ADGRL3: variants seen among roughly 807,000 people sequenced by gnomAD.
The protein encoded by ADGRL3 is calcium-independent alpha-latrotoxin receptor 3.
A neutral mutation model predicts 153.5 loss-of-function variants in ADGRL3; 62 were observed. The observed-to-expected ratio is 0.40, with a 90% CI of 0.33 to 0.50. The LOEUF is 0.50. Among genes scored for constraint, ADGRL3 ranks in the 20% least tolerant of loss-of-function variants. ADGRL3 has a pLI of 0.47. For missense variants in ADGRL3, 1,641 were observed against 1,859.4 expected (o/e 0.88, Z 2.16); for synonymous variants, 710 against 672.5 (o/e 1.06, Z -0.86).
intron 3 of ADGRL3, among the ~76,000 whole-genome samples, chr4:61,499,673 G>A (rs966280818): frequency 6.6e-6 from 1 of 151,650 alleles, no homozygotes; most frequent in Admixed American, 6.6e-5. Flanking sequence ...TAACAACCAG[G>A]AATTAGCTAG....
intron 23 of ADGRL3, among the ~76,000 whole-genome samples, chr4:62,033,260 G>GT (rs142071329): frequency 0.027 from 4,034 of 150,602 alleles, 178 homozygotes; most frequent in African/African-American, 0.093. Flanking sequence ...TACTCATTTT[G>GT]TTTTTTTTTA....
chr4:61,317,591 G>A (rs1369768870), intron 1 of ADGRL3, among the ~76,000 whole-genome samples: 1 of 152,078 alleles, frequency 6.6e-6, no homozygotes, highest in Non-Finnish European at 1.5e-5. Context: ...TGTGTATTAG[G>A]TTTGGTACTT....
intron 21 of ADGRL3, among the ~76,000 whole-genome samples, chr4:62,025,469 C>G (rs1032475482): frequency 6.6e-6 from 1 of 152,050 alleles, no homozygotes; most frequent in African/African-American, 2.4e-5. Context: ...GAGCACCTGG[C>G]CTGGTAGTAT....
intron 1 of ADGRL3, among the ~76,000 whole-genome samples, chr4:61,236,068 G>T (rs1431598305): frequency 3.8e-5 from 5 of 130,538 alleles, no homozygotes; most frequent in African/African-American, 1.2e-4. Context: ...GGAGTGCAGT[G>T]GCTCTATCTC....
intron 17 of ADGRL3, among the ~76,000 whole-genome samples, chr4:61,962,187 C>T (rs1043246616): frequency 8.6e-5 from 13 of 151,128 alleles, no homozygotes; most frequent in Admixed American, 2.0e-4. Flanking sequence ...TGCAGTGAGC[C>T]GAGATCACAC....
At chr4:61,417,883 C>A (rs1050191885) in intron 2 of ADGRL3, among the ~76,000 whole-genome samples, 2 of 151,902 alleles carry the variant, frequency 1.3e-5, no homozygotes, top group Non-Finnish European at 2.9e-5. Context: ...GGTAGTAGAG[C>A]AATGAAGGCC....
intron 2 of ADGRL3, among the ~76,000 whole-genome samples, chr4:61,496,009 T>C (rs2098311771): frequency 6.6e-6 from 1 of 152,228 alleles, no homozygotes; most frequent in Non-Finnish European, 1.5e-5. Context: ...AATCTGTCTT[T>C]AATCATCGTA....
intron 1 of ADGRL3, among the ~76,000 whole-genome samples, chr4:61,282,471 TG>T (rs1156433998): frequency 6.6e-6 from 1 of 152,048 alleles, no homozygotes; most frequent in Non-Finnish European, 1.5e-5. Context: ...ATTTTGTGTA[TG>T]GGTTTTTTGC....
Position 61,340,080 on chromosome 4 carries a change from T to A in ADGRL3, c.-239-43044T>A, listed in dbSNP as rs143067039. ...TGTGCTTATTCTGCACTTCATAAAG[T>A]ATTTCATCTGAGGATGCAGCACTTT... On this transcript the variant is annotated intron_variant, in intron 1 of 26. Transcript: ENST00000683033. Among the ~76,000 whole-genome samples, 898 of 152,312 alleles carry A rather than the reference T, an allele frequency of 5.9e-3. 9 individuals carry two copies. Among genetic ancestry groups the A allele is most frequent in the African/African-American group, 0.02 (832 of 41,578 alleles).
At chr4:61,785,046 C>T (rs2152403338) in intron 8 of ADGRL3, among the ~76,000 whole-genome samples, 1 of 151,940 alleles carries the variant, frequency 6.6e-6, no homozygotes, top group East Asian at 1.9e-4. Context: ...GTGAGTGCTA[C>T]CTGTAAATAA....
At chr4:61,870,719 A>T (rs962980234) in intron 9 of ADGRL3, among the ~76,000 whole-genome samples, 1 of 152,210 alleles carries the variant, frequency 6.6e-6, no homozygotes, top group Non-Finnish European at 1.5e-5. Flanking sequence ...CCATCAGGAA[A>T]ATACAATCAA....
intron 2 of ADGRL3, among the ~76,000 whole-genome samples, chr4:61,442,519 T>C (rs1020945197): frequency 6.6e-6 from 1 of 152,162 alleles, no homozygotes; most frequent in Non-Finnish European, 1.5e-5. Flanking sequence ...ATTTAGGAAC[T>C]ATTTCTGATC....
At chr4:61,994,313 A>AT (rs374907026) in intron 19 of ADGRL3, among the ~76,000 whole-genome samples, 83 of 147,846 alleles carry the variant, frequency 5.6e-4, no homozygotes, top group African/African-American at 1.2e-3. Flanking sequence ...ATCCCCAGCT[A>AT]TTTTTTTTTT....
intron 25 of ADGRL3, among the ~76,000 whole-genome samples, chr4:62,046,635 A>G (rs575765352): frequency 6.6e-6 from 1 of 152,122 alleles, no homozygotes; most frequent in East Asian, 1.9e-4. Context: ...AATTAATTTA[A>G]TGATGACTTT....
Position 62,070,835 on chromosome 4 carries a change from T to C in ADGRL3, c.4559T>C (p.Val1520Ala), listed in dbSNP as rs1442346265. The C allele has an allele frequency of 1.3e-6, 2 of 1,551,564 alleles. No homozygotes were observed. Among genetic ancestry groups the C allele is most frequent in the Non-Finnish European group, 1.7e-6 (2 of 1,146,960 alleles). ...LGRGSSDGFI[V>A]PPNKDGTPPE... ...CGCGGCAGCAGTGATGGATTTATAG[T>C]TCCTCCAAACAAAGATGGGACCCCT... The change falls in exon 27 of 27, where the codon GTT (valine) becomes GCT (alanine). Residue 1520 changes from valine (V) to alanine (A), a missense_variant. Around this residue, in one of 5 missense-constraint regions of ADGRL3, gnomAD observed 517 missense variants for 555.0 expected, o/e 0.93. Transcript: ENST00000683033.
intron 6 of ADGRL3, among the ~76,000 whole-genome samples, chr4:61,725,809 G>A (rs1007973117): frequency 7.9e-5 from 12 of 152,038 alleles, no homozygotes; most frequent in Non-Finnish European, 1.6e-4. Flanking sequence ...GTTTCATTGA[G>A]TTTGTATGTT....
intron 9 of ADGRL3, among the ~76,000 whole-genome samples, chr4:61,857,997 A>T (rs1190586497): frequency 1.3e-5 from 2 of 152,204 alleles, no homozygotes; most frequent in Non-Finnish European, 2.9e-5. Flanking sequence ...GAACTTGATC[A>T]TTGGTAGGTG....
intron 4 of ADGRL3, among the ~76,000 whole-genome samples, chr4:61,529,321 T>A (rs1365469430): frequency 2.0e-5 from 3 of 152,158 alleles, no homozygotes; most frequent in East Asian, 3.9e-4. Flanking sequence ...TTTGTTTCTT[T>A]TAACCTACAG....
chr4:62,001,280 G>A (rs2151098737), intron 21 of ADGRL3, among the ~76,000 whole-genome samples: 1 of 152,256 alleles, frequency 6.6e-6, no homozygotes, highest in Admixed American at 6.5e-5. Flanking sequence ...TTTCCAGTAA[G>A]CTAAAAGAAG....
Sources: allele counts gnomAD v4.1 joint callset (sites outside exome capture counted in the v4.1 genomes callset), GRCh38; gene constraint gnomAD v4.1.1; regional missense constraint gnomAD v4.1.1; transcripts MANE v1.5; gene names NCBI Gene and HGNC (gene_info 2026-07-23, HGNC 2026-07-21).